RMST: variants seen among roughly 807,000 people sequenced by gnomAD.
The protein encoded by RMST is long intergenic non-protein coding RNA 54.
At chr12:97,506,602 A>G (rs12231641) in intron 10 of RMST, among the ~76,000 whole-genome samples, 3,404 of 152,148 alleles carry the variant, frequency 0.022, 80 homozygotes, top group East Asian at 0.08. Context: ...GTAACTGGGA[A>G]ATGTGTCACC....
At chr12:97,508,020 A>G (rs993929585) in intron 10 of RMST, among the ~76,000 whole-genome samples, 2 of 152,212 alleles carry the variant, frequency 1.3e-5, no homozygotes, top group Non-Finnish European at 2.9e-5. Flanking sequence ...AATTTCACAA[A>G]GTGGCCAAGT....
chr12:97,508,660 TTTG>T (rs916118981), intron 10 of RMST, among the ~76,000 whole-genome samples: 2 of 152,184 alleles, frequency 1.3e-5, no homozygotes, highest in Non-Finnish European at 2.9e-5. Context: ...GTGTAACTTT[TTTG>T]TTGTTGTTGT....
chr12:97,474,132 C>G (rs1874248196), intron 5 of RMST, among the ~76,000 whole-genome samples: 1 of 152,044 alleles, frequency 6.6e-6, no homozygotes, highest in Non-Finnish European at 1.5e-5. Flanking sequence ...GAGGATGTAG[C>G]AAAGGACCAA....
intron 11 of RMST, among the ~76,000 whole-genome samples, chr12:97,535,217 T>C (rs1367122087): frequency 2.0e-5 from 3 of 151,658 alleles, no homozygotes; most frequent in Non-Finnish European, 4.4e-5. Flanking sequence ...ACTTTCCAAC[T>C]TAATTGGGAA....
intron 11 of RMST, among the ~76,000 whole-genome samples, chr12:97,555,873 A>G (rs1009124691): frequency 5.9e-5 from 9 of 152,230 alleles, no homozygotes; most frequent in Admixed American, 5.2e-4. Flanking sequence ...GGTTCAATCA[A>G]TTTTACCGGC....
chr12:97,533,153 C>T (rs1239890922), intron 11 of RMST: 2 of 151,704 alleles, frequency 1.3e-5, no homozygotes, highest in African/African-American at 4.8e-5. Flanking sequence ...AGCACTACTG[C>T]CTGCATTCGA....
intron 8 of RMST, among the ~76,000 whole-genome samples, chr12:97,494,433 C>T (rs978543239): frequency 6.6e-6 from 1 of 151,934 alleles, no homozygotes; most frequent in African/African-American, 2.4e-5. Context: ...ACCTGTAAAC[C>T]CAGCTACTTG....
At chr12:97,477,988 A>C (rs1874765812) in intron 5 of RMST, among the ~76,000 whole-genome samples, 1 of 152,208 alleles carries the variant, frequency 6.6e-6, no homozygotes, top group South Asian at 2.1e-4. Context: ...AGCTGTGGTT[A>C]TATCCTTCTA....
At chr12:97,482,701 A>AAAT (rs1341734255) in intron 5 of RMST, among the ~76,000 whole-genome samples, 1,422 of 63,694 alleles carry the variant, frequency 0.022, 286 homozygotes, top group African/African-American at 0.14. Context: ...TTTATTTAAT[A>AAAT]AATAAATTTA....
chr12:97,468,683 A>G (rs929791243), intron 5 of RMST, among the ~76,000 whole-genome samples: 5 of 152,020 alleles, frequency 3.3e-5, no homozygotes, highest in Non-Finnish European at 5.9e-5. Context: ...AATTATCACG[A>G]TCTCAAGTGT....
At chr12:97,495,177 G>GC (rs1555230753) in intron 9 of RMST, among the ~76,000 whole-genome samples, 2 of 18,044 alleles carry the variant, frequency 1.1e-4, no homozygotes, top group East Asian at 9.1e-4. Flanking sequence ...TTATTCTTAT[G>GC]GGGGGGGAGC....
intron 5 of RMST, among the ~76,000 whole-genome samples, chr12:97,472,827 A>C (rs1412256260): frequency 6.6e-6 from 1 of 152,136 alleles, no homozygotes; most frequent in Non-Finnish European, 1.5e-5. Flanking sequence ...TTTGACCCCA[A>C]TAATCACAAT....
intron 11 of RMST, among the ~76,000 whole-genome samples, chr12:97,531,377 C>A (rs778065338): frequency 5.9e-5 from 9 of 151,966 alleles, no homozygotes; most frequent in Non-Finnish European, 1.2e-4. Flanking sequence ...TTTAAAACAA[C>A]ATTTATAAAG....
At position 97,482,703 on chromosome 12, in the gene RMST, A is replaced by AT. The variant is rs1163936249; in HGVS notation, n.645-9757dup. 2.6e-3 allele frequency among the ~76,000 whole-genome samples: 168 copies of AT among 64,976 alleles called. 12 individuals are homozygous for AT. Among genetic ancestry groups the AT allele is most frequent in the African/African-American group, 0.016 (161 of 9,842 alleles). The allele number at this position is 64,976 out of a possible 152,430, so 42.6% of individuals were successfully genotyped here. A position where few individuals can be genotyped will look rare whatever the true frequency, so the allele number is the denominator to read the frequency against. ...AATTTATTTATTATTTATTTAATAA[A>AT]TAAATTTATATTATTTATTTATTAA... On this transcript the variant is annotated intron_variant and non_coding_transcript_variant, in intron 5 of 13. Coordinates refer to ENST00000640149, the Ensembl canonical transcript of RMST.
chr12:97,547,397 G>A (rs1192575900), intron 11 of RMST, among the ~76,000 whole-genome samples: 1 of 151,698 alleles, frequency 6.6e-6, no homozygotes, highest in East Asian at 1.9e-4. Context: ...TATTTCCTTT[G>A]GACAAATACC....
At chr12:97,551,503 G>A (rs888377665) in intron 11 of RMST, among the ~76,000 whole-genome samples, 2 of 152,094 alleles carry the variant, frequency 1.3e-5, no homozygotes, top group African/African-American at 4.8e-5. Flanking sequence ...GTTGATGTGG[G>A]AGTTATTTCT....
chr12:97,464,423 G>A (rs1272705683), intron 4 of RMST, among the ~76,000 whole-genome samples: 1 of 152,180 alleles, frequency 6.6e-6, no homozygotes, highest in African/African-American at 2.4e-5. Context: ...TCCATTCGGA[G>A]CTTCCTGTGA....
intron 11 of RMST, among the ~76,000 whole-genome samples, chr12:97,540,669 G>T (rs760140911): frequency 2.0e-5 from 3 of 151,636 alleles, no homozygotes; most frequent in Non-Finnish European, 4.4e-5. Context: ...GGAAAGAAAA[G>T]AAAATAATAC....
chr12:97,560,682 T>A (rs763472396), exon 12 of RMST: 1 of 152,198 alleles, frequency 6.6e-6, no homozygotes, highest in Non-Finnish European at 1.5e-5. Context: ...GAGAAAAGCC[T>A]ACCTATTCTT....
Sources: allele counts gnomAD v4.1 joint callset (sites outside exome capture counted in the v4.1 genomes callset), GRCh38; gene constraint gnomAD v4.1.1; transcripts MANE v1.5; gene names NCBI Gene and HGNC (gene_info 2026-07-23, HGNC 2026-07-21).